Variants in GTPBP2 observed in about 807,000 individuals in gnomAD.
GTPBP2 encodes the protein GTP binding protein 2, also known as GTP-binding protein 2.
GTPBP2 carries 32 observed loss-of-function variants against 63.0 expected under a neutral mutation model. That is an observed-to-expected ratio of 0.51 (90% CI 0.38 to 0.68). The LOEUF (loss-of-function observed/expected upper bound fraction) is 0.68, where lower values mean the gene tolerates loss of function less well. Ranked by LOEUF, GTPBP2 falls within the 30% of genes least tolerant of loss-of-function variation. GTPBP2 has a pLI of 0.00. For missense variants in GTPBP2, 492 were observed against 796.9 expected (o/e 0.62, Z 4.61); for synonymous variants, 310 against 322.6 (o/e 0.96, Z 0.42).
chr6:43,622,461 G>C lies in GTPBP2; in HGVS notation c.1467+172C>G, dbSNP rs560855329. ...TCATATTTAGTTATCTGTACCTCAT[G>C]AGTACGTTAAGCTGTTTTTATAGTC... On this transcript the variant is annotated intron_variant, in intron 10 of 11. Transcript: ENST00000307126. This position sits in a 1 kb window ranked among gnomAD's most constrained non-coding sequence, Gnocchi z 5.4. Among the ~76,000 whole-genome samples the C allele has an allele frequency of 2.3e-4, 35 of 152,262 alleles. No individual in the cohort carries two copies. The highest frequency in any genetic ancestry group is 8.2e-4 in the African/African-American group (34 of 41,530).
At position 43,623,779 on chromosome 6, in the gene GTPBP2, G is replaced by C; in HGVS notation, c.1253C>G (p.Thr418Arg). The change falls in exon 9 of 12, where the codon ACA (threonine) becomes AGA (arginine). Residue 418 changes from threonine (T) to arginine (R), a missense_variant. Physicochemically the swap from Thr to Arg is moderately conservative, Grantham distance 71 (BLOSUM62 -1). This residue lies in a region of GTPBP2 where 400 missense variants were observed against 710.8 expected (regional missense o/e 0.56). Coordinates refer to ENST00000307126, the MANE Select transcript of GTPBP2 (RefSeq NM_019096.5). ...AACAACAGTCCCCACCTCTGGTACTGTGTAGATTTCATCCACCTGAAGCCA... is the reference window on the plus strand; with the variant it reads ...AACAACAGTCCCCACCTCTGGTACTCTGTAGATTTCATCCACCTGAAGCCA... Reference protein sequence around the residue: ...LTEFQVDEIYTVPEVGTVVGG... With the variant: ...LTEFQVDEIYRVPEVGTVVGG... 1 of 1,613,666 alleles carries C rather than the reference G, an allele frequency of 6.2e-7. No homozygotes were observed. Among genetic ancestry groups the C allele is most frequent in the Non-Finnish European group, 8.5e-7 (1 of 1,179,528 alleles).
rs765780417 is a variant in GTPBP2, at chr6:43,622,816, A to G, written c.1296-12T>C. ...CACGGCAAATCCCACTGCAGCCCAG[A>G]GGGCAGGTGGCACAGTGTCAGCCAA... On this transcript the variant is annotated splice_polypyrimidine_tract_variant and intron_variant, in intron 9 of 11. Transcript: ENST00000307126. This position sits in a 1 kb window ranked among gnomAD's most constrained non-coding sequence, Gnocchi z 5.4. 4 of 1,605,282 alleles carry G rather than the reference A, an allele frequency of 2.5e-6. No individual in the cohort carries two copies. The East Asian group carries it at 6.7e-5, about 27-fold the overall frequency.
chr6:43,622,906 C>A lies in GTPBP2; in HGVS notation c.1296-102G>T, dbSNP rs1768902918. Reference sequence around the variant, plus strand: ...ATTCCTTCCCTTCTAGGGTTGAGTCCCTCAAGTGGGGAAGAACCCTAAATT... The same window carrying A: ...ATTCCTTCCCTTCTAGGGTTGAGTCACTCAAGTGGGGAAGAACCCTAAATT... On this transcript the variant is annotated intron_variant, in intron 9 of 11. Transcript: ENST00000307126. This position sits in a 1 kb window ranked among gnomAD's most constrained non-coding sequence, Gnocchi z 5.4. 5.4e-6 allele frequency: 5 copies of A among 926,142 alleles called. No individual in the cohort carries two copies. Among genetic ancestry groups the A allele is most frequent in the Non-Finnish European group, 4.8e-6 (3 of 622,628 alleles). 57.4% of individuals were successfully genotyped at this position (926,142 alleles called of 1,614,324 possible).
chr6:43,629,675 C>T, upstream of GTPBP2: 1 of 1,485,598 alleles, frequency 6.7e-7, no homozygotes, highest in African/African-American at 1.4e-5. Context: ...AGGTTTTGGA[C>T]CTCGAGAGCT....
chr6:43,627,848 T>C (rs2232211), intron 1 of GTPBP2, among the ~76,000 whole-genome samples: 4,998 of 152,288 alleles, frequency 0.033, 267 homozygotes, highest in African/African-American at 0.11. Flanking sequence ...TAATCTCCAC[T>C]TCATGGTGTG....
Position 43,626,174 on chromosome 6 carries a change from T to C in GTPBP2, c.398+52A>G, listed in dbSNP as rs1453712162. The C allele has an allele frequency of 3.9e-5, 61 of 1,545,580 alleles. No homozygotes were observed. Among genetic ancestry groups the C allele is most frequent in the Non-Finnish European group, 5.2e-5 (58 of 1,124,086 alleles). On this transcript the variant is annotated intron_variant, in intron 3 of 11. Coordinates refer to ENST00000307126, the MANE Select transcript of GTPBP2 (RefSeq NM_019096.5). The surrounding 1 kb of genome is among the most constrained non-coding windows in gnomAD (Gnocchi z 4.0). ...CAGGCCCTAGGTAACTGGGTATGCA[T>C]GGGTCCCCCCAAGTCAGGTAAAGGA... is the stretch of plus-strand genomic sequence containing the variant.
rs755463338 is a variant in GTPBP2, at chr6:43,626,427, T to A, written c.214-17A>T. ...CAGCTTCAACTTAGGGCAAGTGGGG[T>A]ATCATAAGGTGAAATCAGAGGTGTT... is the stretch of plus-strand genomic sequence containing the variant. On this transcript the variant is annotated splice_polypyrimidine_tract_variant and intron_variant, in intron 2 of 11. Coordinates refer to ENST00000307126, the MANE Select transcript of GTPBP2 (RefSeq NM_019096.5). The surrounding 1 kb of genome is among the most constrained non-coding windows in gnomAD (Gnocchi z 4.0). 6.2e-7 allele frequency: 1 copy of A among 1,609,462 alleles called. No homozygotes were observed. Among genetic ancestry groups the A allele is most frequent in the South Asian group, 1.1e-5 (1 of 90,942 alleles).
Position 43,620,596 on chromosome 6 carries a change from C to T in GTPBP2, c.*1018G>A, listed in dbSNP as rs962890383. The T allele has an allele frequency of 2.6e-5, 4 of 153,194 alleles. No homozygotes were observed. Among genetic ancestry groups the T allele is most frequent in the Non-Finnish European group, 5.8e-5 (4 of 68,970 alleles). The allele number at this position is 153,194 out of a possible 1,614,324, so 9.5% of individuals were successfully genotyped here. Reference sequence around the variant, plus strand: ...ACAGAGAAACCTTAGCCAACAAATCCCTGAGTCCATGGGAACCCAGGACAC... The same window carrying T: ...ACAGAGAAACCTTAGCCAACAAATCTCTGAGTCCATGGGAACCCAGGACAC... On this transcript the variant is annotated 3_prime_UTR_variant, in exon 12 of 12. Transcript: ENST00000307126.
chr6:43,622,787 C>T lies in GTPBP2; in HGVS notation c.1313G>A (p.Gly438Glu). The change falls in exon 10 of 12, where the codon GGG (glycine) becomes GAG (glutamate). Residue 438 changes from glycine to glutamate, a missense_variant. Transcript: ENST00000307126. This position sits in a 1 kb window ranked among gnomAD's most constrained non-coding sequence, Gnocchi z 5.4. ...GTLSSGICRE[G>E]DQLVVGPTDD... is the part of the protein sequence containing the mutation. ...CGTGGGGCCCACCACCAGCTGGTCCCCCTCACGGCAAATCCCACTGCAGCC... is the reference window on the plus strand; with the variant it reads ...CGTGGGGCCCACCACCAGCTGGTCCTCCTCACGGCAAATCCCACTGCAGCC... The T allele has an allele frequency of 1.2e-6, 2 of 1,613,512 alleles. No homozygotes were observed. The highest frequency in any genetic ancestry group is 1.3e-5 in the African/African-American group (1 of 75,048).
At position 43,624,279 on chromosome 6, in the gene GTPBP2, T is replaced by C. The variant is rs1452667699; in HGVS notation, c.1101-211A>G. On this transcript the variant is annotated intron_variant, in intron 7 of 11. Transcript: ENST00000307126. This position sits in a 1 kb window ranked among gnomAD's most constrained non-coding sequence, Gnocchi z 5.1. ...GAGCCCAAGGGAAACAGCAAATGCC[T>C]GGTATAGCACTTCATCGCCATGGTC... Among the ~76,000 whole-genome samples the C allele has an allele frequency of 6.6e-6, 1 of 152,160 alleles. No individual in the cohort carries two copies. The highest frequency in any genetic ancestry group is 2.4e-5 in the African/African-American group (1 of 41,440).
chr6:43,628,693 T>C, intron 1 of GTPBP2: 2 of 705,100 alleles, frequency 2.8e-6, no homozygotes, highest in Admixed American at 4.3e-5. Context: ...CGGGGTGCTC[T>C]TCCTGGGATC....
chr6:43,629,231 T>G lies in GTPBP2; in HGVS notation c.-69A>C. The G allele has an allele frequency of 9.3e-7, 1 of 1,070,248 alleles. No individual in the cohort carries two copies. The highest frequency in any genetic ancestry group is 1.2e-6 in the Non-Finnish European group (1 of 832,666). The allele number at this position is 1,070,248 out of a possible 1,614,324, so 66.3% of individuals were successfully genotyped here. On this transcript the variant is annotated 5_prime_UTR_variant, in exon 1 of 12. Coordinates refer to ENST00000307126, the MANE Select transcript of GTPBP2 (RefSeq NM_019096.5). ...CCGCCGCCGTCGCCGCCGCCCTTAC[T>G]GCCACTGCCGTGTCCGGCCGGCCTG...
rs767579794 is a variant in GTPBP2, at chr6:43,623,751, T to G, written c.1281A>C (p.Gly427=). ...AGACAATTTACCTGGAAAGTGTTCC[T>G]CCAACAACAGTCCCCACCTCTGGTA... ...YTVPEVGTVV[G]GTLSSGICRE... is the part of the protein sequence containing the mutation. Residue 427 remains glycine (G), a synonymous_variant, in exon 9 of 12, where the codon GGA becomes GGC. Transcript: ENST00000307126. 3.1e-6 allele frequency: 5 copies of G among 1,612,884 alleles called. No homozygotes were observed. In the East Asian group the frequency reaches 8.9e-5, roughly 29 times the overall value.
At position 43,629,176 on chromosome 6, in the gene GTPBP2, C is replaced by CA. The variant is rs1477834928; in HGVS notation, c.-15dup. 7.1e-7 allele frequency: 1 copy of CA among 1,399,048 alleles called. No individual in the cohort carries two copies. The highest frequency in any genetic ancestry group is 9.2e-7 in the Non-Finnish European group (1 of 1,085,632). 86.7% of individuals were successfully genotyped at this position (1,399,048 alleles called of 1,614,324 possible). A position where few individuals can be genotyped will look rare whatever the true frequency, so the allele number is the denominator to read the frequency against. On this transcript the variant is annotated 5_prime_UTR_variant, in exon 1 of 12. Transcript: ENST00000307126. The stretch of plus-strand genomic sequence containing the variant: ...CCGCGAGTCCATCCGCCGCTGCCGC[C>CA]AGCCCCCCGCCCGGCCCCTCCCCCG...
chr6:43,627,767 T>C (rs1462829004), intron 1 of GTPBP2, among the ~76,000 whole-genome samples: 1 of 152,240 alleles, frequency 6.6e-6, no homozygotes, highest in Non-Finnish European at 1.5e-5. Context: ...ATTTTAGTTT[T>C]CCTCTTCCCT....
At position 43,622,622 on chromosome 6, in the gene GTPBP2, A is replaced by C; in HGVS notation, c.1467+11T>G. The C allele has an allele frequency of 6.2e-7, 1 of 1,605,708 alleles. No individual in the cohort carries two copies. Among genetic ancestry groups the C allele is most frequent in the Non-Finnish European group, 8.5e-7 (1 of 1,173,212 alleles). ...TTAGCGTTCCCTCCCCAACCCATGC[A>C]CCCACCTCACCTTGCGAAGCAGTGC... On this transcript the variant is annotated intron_variant, in intron 10 of 11. Coordinates refer to ENST00000307126, the MANE Select transcript of GTPBP2 (RefSeq NM_019096.5). This position sits in a 1 kb window ranked among gnomAD's most constrained non-coding sequence, Gnocchi z 5.4.
chr6:43,626,908 A>G lies in GTPBP2; in HGVS notation c.213+14T>C, dbSNP rs769963419. The G allele has an allele frequency of 5.0e-6, 8 of 1,602,428 alleles. No individual in the cohort carries two copies. The East Asian group carries it at 1.8e-4, about 36-fold the overall frequency. On this transcript the variant is annotated intron_variant, in intron 2 of 11. Transcript: ENST00000307126. The surrounding 1 kb of genome is among the most constrained non-coding windows in gnomAD (Gnocchi z 4.0). Reference sequence around the variant, plus strand: ...CCTACCCCAGCCCCTGCTTTTCCCCAGCCTAGGACTCACTTTATATTCAAT... The same window carrying G: ...CCTACCCCAGCCCCTGCTTTTCCCCGGCCTAGGACTCACTTTATATTCAAT...
In GTPBP2 at chr6:43,625,271, A is replaced by C. The variant is rs1769208832; in HGVS notation, c.705+92T>G. On this transcript the variant is annotated intron_variant, in intron 5 of 11. Coordinates refer to ENST00000307126, the MANE Select transcript of GTPBP2 (RefSeq NM_019096.5). This position sits in a 1 kb window ranked among gnomAD's most constrained non-coding sequence, Gnocchi z 5.1. The stretch of plus-strand genomic sequence containing the variant: ...GGCATTCATCTATACTATTTCAAAA[A>C]GTCTCCACACTCTACCCCCATCCTA... 7 of 1,261,846 alleles carry C rather than the reference A, an allele frequency of 5.5e-6. No homozygotes were observed. In the South Asian group the frequency reaches 7.5e-5, roughly 14 times the overall value. The allele number at this position is 1,261,846 out of a possible 1,614,324, so 78.2% of individuals were successfully genotyped here. A position where few individuals can be genotyped will look rare whatever the true frequency, so the allele number is the denominator to read the frequency against.
chr6:43,624,434 G>A lies in GTPBP2; in HGVS notation c.1100+76C>T. On this transcript the variant is annotated intron_variant, in intron 7 of 11. Transcript: ENST00000307126. This position sits in a 1 kb window ranked among gnomAD's most constrained non-coding sequence, Gnocchi z 5.1. ...AACTGGTCTGGCCCTGGAGAAGTAGGATATCATGCTTCTGGGCCCTGGGCT... is the reference window on the plus strand; with the variant it reads ...AACTGGTCTGGCCCTGGAGAAGTAGAATATCATGCTTCTGGGCCCTGGGCT... The A allele has an allele frequency of 9.3e-7, 1 of 1,070,604 alleles. No individual in the cohort carries two copies. The highest frequency in any genetic ancestry group is 1.4e-6 in the Non-Finnish European group (1 of 705,246). 66.3% of individuals were successfully genotyped at this position (1,070,604 alleles called of 1,614,324 possible). A position where few individuals can be genotyped will look rare whatever the true frequency, so the allele number is the denominator to read the frequency against.
Sources: gnomAD v4.1 joint callset for allele counts (sites outside exome capture counted in the v4.1 genomes callset) on GRCh38, gnomAD v4.1.1 for gene constraint, gnomAD v4.1.1 regional missense constraint, Gnocchi (gnomAD v3.1) non-coding constraint, MANE v1.5 for transcripts, NCBI Gene and HGNC (gene_info 2026-07-23, HGNC 2026-07-21) for gene names.